Variants in TTLL12 observed in about 807,000 individuals in gnomAD.
The protein encoded by TTLL12 is tubulin--tyrosine ligase-like protein 12.
TTLL12 carries 77 observed loss-of-function variants against 79.6 expected under a neutral mutation model. The ratio of observed to expected loss-of-function variants is 0.97; its 90% CI spans 0.81 to 1.17. TTLL12 has a LOEUF of 1.17. Among genes scored for constraint, TTLL12 ranks in the 50% most tolerant of loss-of-function variants. The pLI is 0.00. For missense variants in TTLL12, 969 were observed against 895.9 expected, an observed-to-expected ratio of 1.08 and a Z score of -1.04; for synonymous variants, 437 against 376.1, an observed-to-expected ratio of 1.16 and a Z score of -1.87.
intron 12 of TTLL12, 87 bp downstream of exon 12, chr22:43,169,413 A>T: frequency 8.5e-7 from 1 of 1,175,146 alleles, no homozygotes; most frequent in Non-Finnish European, 1.2e-6. Context: ...AGCCCATGCC[A>T]GCAGAGAGGG....
chr22:43,177,325 T>C (rs1200936798), intron 5 of TTLL12, among the ~76,000 whole-genome samples: 2 of 152,010 alleles, frequency 1.3e-5, no homozygotes. Context: ...GCTAGGATCA[T>C]GCCACTGTAC....
rs753074049 is a variant in TTLL12, at chr22:43,167,522, G to A, written c.*486C>T. ...GGGGCCCCACAGCCGTCCCGGGGTC[G>A]TCCTGATGCATAAGAGCAGAGACCC... On this transcript the variant is annotated 3_prime_UTR_variant, in exon 14 of 14. Coordinates refer to ENST00000216129, the MANE Select transcript of TTLL12 (RefSeq NM_015140.4). 11 of 203,438 alleles carry A rather than the reference G, an allele frequency of 5.4e-5. No individual in the cohort carries two copies. Among genetic ancestry groups the A allele is most frequent in the South Asian group, 7.2e-5 (1 of 13,888 alleles). 12.6% of individuals were successfully genotyped at this position (203,438 alleles called of 1,614,324 possible).
At chr22:43,180,548 T>C (rs1283599231) in intron 3 of TTLL12, among the ~76,000 whole-genome samples, 194 bp downstream of exon 3, 3 of 152,076 alleles carry the variant, frequency 2.0e-5, no homozygotes, top group African/African-American at 4.8e-5. Flanking sequence ...TTTAGGAGTC[T>C]GAGAGGGCTG....
At chr22:43,168,744 T>C (rs1303475547) in intron 13 of TTLL12, 30 bp downstream of exon 13, 1 of 1,547,788 alleles carries the variant, frequency 6.5e-7, no homozygotes, top group Non-Finnish European at 8.7e-7. Flanking sequence ...GCCTGCTGGT[T>C]TGGATCAGGA....
At chr22:43,171,534 C>T (rs1411717219) in intron 11 of TTLL12, 2 of 325,968 alleles carry the variant, frequency 6.1e-6, no homozygotes, top group East Asian at 1.1e-4. Context: ...CGGCTGGGAA[C>T]ACACTGTCTC....
At position 43,179,691 on chromosome 22, in the gene TTLL12, C is replaced by T; in HGVS notation, c.768G>A (p.Leu256=). ...GCATGTCGGTGGGGGCCCAGGGCAGCAGCATGCACTTCCGGATCAGGGGGT... is the reference window on the plus strand; with the variant it reads ...GCATGTCGGTGGGGGCCCAGGGCAGTAGCATGCACTTCCGGATCAGGGGGT... ...ETDPLIRKCM[L]LPWAPTDMLD... is the part of the protein sequence containing the mutation. The change falls in exon 5 of 14, where the codon CTG becomes CTA. Residue 256 remains leucine (L), a synonymous_variant. Coordinates refer to ENST00000216129, the MANE Select transcript of TTLL12 (RefSeq NM_015140.4). The T allele has an allele frequency of 6.4e-7, 1 of 1,571,796 alleles. No individual in the cohort carries two copies. Among genetic ancestry groups the T allele is most frequent in the Non-Finnish European group, 8.6e-7 (1 of 1,160,368 alleles).
At position 43,173,320 on chromosome 22, in the gene TTLL12, C is replaced by CT. The variant is rs1320887497; in HGVS notation, c.1341+394dup. Among the ~76,000 whole-genome samples, 3 of 152,110 alleles carry CT rather than the reference C, an allele frequency of 2.0e-5. 1 individual carries two copies. Among genetic ancestry groups the CT allele is most frequent in the East Asian group, 1.9e-4 (1 of 5,180 alleles). On this transcript the variant is annotated intron_variant, in intron 9 of 13. Coordinates refer to ENST00000216129, the MANE Select transcript of TTLL12 (RefSeq NM_015140.4). ...GCGATTAGACGCACCCAGGACAGTT[C>CT]TTTTTTTAAAGACTGGGTCTTGCTC... is the stretch of plus-strand genomic sequence containing the variant.
Position 43,186,941 on chromosome 22 carries a change from C to T in TTLL12, c.129G>A (p.Gly43=). The T allele has an allele frequency of 2.9e-6, 4 of 1,366,990 alleles. No individual in the cohort carries two copies. Among genetic ancestry groups the T allele is most frequent in the South Asian group, 3.1e-5 (2 of 63,548 alleles). The allele number at this position is 1,366,990 out of a possible 1,614,324, so 84.7% of individuals were successfully genotyped here. The part of the protein sequence containing the change: ...ALHGPALRAS[G]VPERYWGRLL... The stretch of plus-strand genomic sequence containing the variant: ...GGCGGCCCCAGTAACGTTCGGGGAC[C>T]CCCGAAGCGCGCAGCGCCGGGCCGT... Residue 43 remains glycine (G), a synonymous_variant, in exon 1 of 14, where the codon GGG becomes GGA. Transcript: ENST00000216129.
At chr22:43,168,750 CAGG>C in intron 13 of TTLL12, 21 bp downstream of exon 13, 1 of 1,549,054 alleles carries the variant, frequency 6.5e-7, no homozygotes, top group Non-Finnish European at 8.7e-7. Context: ...TGGTTTGGAT[CAGG>C]AGATGGGGAG....
chr22:43,186,017 T>C (rs1932174093), intron 1 of TTLL12: 3 of 985,446 alleles, frequency 3.0e-6, no homozygotes, highest in Non-Finnish European at 3.6e-6. Context: ...AGAGAAAAAC[T>C]GGCTCAGAGA....
At chr22:43,183,865 G>C (rs1034505255) in intron 1 of TTLL12, among the ~76,000 whole-genome samples, 6 of 152,276 alleles carry the variant, frequency 3.9e-5, no homozygotes, top group African/African-American at 1.4e-4. Context: ...GAGCCAGGCT[G>C]TGTGGGTTCA....
rs1931633618 is a variant in TTLL12 at position 43,166,992 on chromosome 22, C to A, written c.*1016G>T. The A allele has an allele frequency of 6.0e-6, 2 of 330,658 alleles. No homozygotes were observed. 20.5% of individuals were successfully genotyped at this position (330,658 alleles called of 1,614,324 possible). A position where few individuals can be genotyped will look rare whatever the true frequency, so the allele number is the denominator to read the frequency against. On this transcript the variant is annotated 3_prime_UTR_variant, in exon 14 of 14. Coordinates refer to ENST00000216129, the MANE Select transcript of TTLL12 (RefSeq NM_015140.4). ...TGGGCCCAGGCACACTGCAGCCACA[C>A]AAAAACGCTGGCAGCTGACTCCTAA...
chr22:43,173,855 CGCCTGGG>C lies in TTLL12; in HGVS notation c.1230-36_1230-30del, dbSNP rs774351387. 1.2e-5 allele frequency: 19 copies of C among 1,582,628 alleles called. No individual in the cohort carries two copies. The African/African-American group carries it at 2.2e-4, about 18-fold the overall frequency. On this transcript the variant is annotated intron_variant, in intron 8 of 13. Transcript: ENST00000216129. ...GGGAGCAGAAGGGCTGTCTGGGGGG[CGCCTGGG>C]GCCTGTGTTCCCAGATGGTGCCACC...
chr22:43,167,851 T>G lies in TTLL12; in HGVS notation c.*157A>C. On this transcript the variant is annotated 3_prime_UTR_variant, in exon 14 of 14. Transcript: ENST00000216129. The stretch of plus-strand genomic sequence containing the variant: ...AGAGGAGGATGCTGTGCTCCCGGAG[T>G]GTGGCGCCGGGAGGATGGCTCGGCA... The G allele has an allele frequency of 1.2e-6, 1 of 856,120 alleles. No homozygotes were observed. The highest frequency in any genetic ancestry group is 1.8e-6 in the Non-Finnish European group (1 of 556,696). The allele number at this position is 856,120 out of a possible 1,614,324, so 53.0% of individuals were successfully genotyped here. A position where few individuals can be genotyped will look rare whatever the true frequency, so the allele number is the denominator to read the frequency against.
intron 5 of TTLL12, among the ~76,000 whole-genome samples, chr22:43,178,181 C>T (rs997605910): frequency 2.0e-5 from 3 of 152,218 alleles, no homozygotes; most frequent in Non-Finnish European, 2.9e-5. Context: ...ACCAACAAGA[C>T]TGAGCCCCTT....
Position 43,186,875 on chromosome 22 carries a change from C to A in TTLL12, c.177+18G>T. On this transcript the variant is annotated intron_variant, in intron 1 of 13. Coordinates refer to ENST00000216129, the MANE Select transcript of TTLL12 (RefSeq NM_015140.4). The stretch of plus-strand genomic sequence containing the variant: ...TCCCACCCCGGCCGCCGCACGTGCC[C>A]GCCGCCCTTCCCCGCACCTCGTGCT... 1 of 1,266,220 alleles carries A rather than the reference C, an allele frequency of 7.9e-7. No individual in the cohort carries two copies. Among genetic ancestry groups the A allele is most frequent in the South Asian group, 2.5e-5 (1 of 39,400 alleles). 78.4% of individuals were successfully genotyped at this position (1,266,220 alleles called of 1,614,324 possible). A position where few individuals can be genotyped will look rare whatever the true frequency, so the allele number is the denominator to read the frequency against.
intron 3 of TTLL12, 37 bp downstream of exon 3, chr22:43,180,705 T>C (rs1221752380): frequency 6.2e-7 from 1 of 1,605,530 alleles, no homozygotes. Flanking sequence ...TGCCCATGCC[T>C]GTCCTCCCCC....
At chr22:43,182,277 T>C (rs914650971) in intron 2 of TTLL12, among the ~76,000 whole-genome samples, 21 of 152,180 alleles carry the variant, frequency 1.4e-4, no homozygotes, top group African/African-American at 5.1e-4. Context: ...CAAGCACGCA[T>C]GGGCGGGGGT....
chr22:43,182,211 G>A (rs993149002), intron 2 of TTLL12, among the ~76,000 whole-genome samples: 4 of 152,350 alleles, frequency 2.6e-5, no homozygotes, highest in African/African-American at 9.6e-5. Flanking sequence ...ACCTGTTCCT[G>A]GGCCTGAGCC....
Sources: gnomAD v4.1 joint callset for allele counts (sites outside exome capture counted in the v4.1 genomes callset) on GRCh38, gnomAD v4.1.1 for gene constraint, MANE v1.5 for transcripts, NCBI Gene and HGNC (gene_info 2026-07-23, HGNC 2026-07-21) for gene names.